Variants in DNAH5 observed in about 807,000 individuals in gnomAD.
The protein encoded by DNAH5 is axonemal beta dynein heavy chain 5.
DNAH5 carries 372 observed loss-of-function variants against 518.2 expected under a neutral mutation model. The observed-to-expected ratio is 0.72, with a 90% CI of 0.66 to 0.78. DNAH5 has a LOEUF of 0.78. Among genes scored for constraint, DNAH5 ranks in the 30% least tolerant of loss-of-function variants. DNAH5 has a pLI of 0.00. For missense variants in DNAH5, 5,523 were observed against 5,687.0 expected (o/e 0.97, Z 0.93); for synonymous variants, 2,039 against 2,025.9 (o/e 1.01, Z -0.17).
intron 65 of DNAH5, among the ~76,000 whole-genome samples, chr5:13,741,192 C>G (rs372853284): frequency 7.2e-5 from 11 of 152,142 alleles, no homozygotes; most frequent in African/African-American, 2.7e-4. Context: ...TGAAGGCAAA[C>G]AGCAAAGACC....
intron 21 of DNAH5, among the ~76,000 whole-genome samples, chr5:13,881,443 T>C (rs1381991576): frequency 2.6e-5 from 4 of 151,960 alleles, no homozygotes; most frequent in Non-Finnish European, 5.9e-5. Flanking sequence ...ACAAATTTGA[T>C]CTTATAACAA....
rs183888451 is a variant in DNAH5, at chr5:13,898,503, T to A, written c.2259+1703A>T. On this transcript the variant is annotated intron_variant, in intron 15 of 78. Transcript: ENST00000265104. ...ATGTCTGTCCATTGCCAATACAACT[T>A]TTTAATATGACATGAAGTGGTGGGA... 1,897 of 398,538 alleles carry A rather than the reference T, an allele frequency of 4.8e-3. 99 individuals carry two copies. The Admixed American group carries it at 0.07, about 15-fold the overall frequency. 24.7% of individuals were successfully genotyped at this position (398,538 alleles called of 1,614,324 possible).
intron 1 of DNAH5, among the ~76,000 whole-genome samples, chr5:13,952,536 C>T (rs1238030407): frequency 6.6e-6 from 1 of 152,146 alleles, no homozygotes. Context: ...CAACCTCCAC[C>T]AATATCACCG....
At chr5:13,768,778 G>T (rs1479515117) in intron 58 of DNAH5, among the ~76,000 whole-genome samples, 182 bp downstream of exon 58, 2 of 152,170 alleles carry the variant, frequency 1.3e-5, no homozygotes, top group African/African-American at 4.8e-5. Context: ...ATGTTAAGCA[G>T]AACAGGCAAA....
At chr5:13,838,056 T>C (rs1021429088) in intron 35 of DNAH5, among the ~76,000 whole-genome samples, 7 of 152,152 alleles carry the variant, frequency 4.6e-5, no homozygotes, top group African/African-American at 1.4e-4. Flanking sequence ...TGTATATTAT[T>C]GTGGGGCACA....
intron 11 of DNAH5, among the ~76,000 whole-genome samples, 194 bp downstream of exon 11, chr5:13,913,549 C>T (rs1378074671): frequency 6.6e-6 from 1 of 151,926 alleles, no homozygotes; most frequent in Non-Finnish European, 1.5e-5. Flanking sequence ...AACCACACAC[C>T]TGAAAAGAAC....
intron 40 of DNAH5, among the ~76,000 whole-genome samples, chr5:13,821,009 G>C (rs972681100): frequency 1.3e-5 from 2 of 152,002 alleles, no homozygotes; most frequent in Non-Finnish European, 2.9e-5. Context: ...AACAATGTAA[G>C]TGTGCTTAAT....
chr5:13,766,225 C>G, intron 58 of DNAH5, 46 bp from the exon 59 acceptor site: 1 of 1,604,856 alleles, frequency 6.2e-7, no homozygotes, highest in Non-Finnish European at 8.5e-7. Flanking sequence ...TAGGAAAGCA[C>G]AGACAAGCAA....
intron 35 of DNAH5, among the ~76,000 whole-genome samples, chr5:13,832,058 G>C (rs928415738): frequency 5.9e-5 from 9 of 151,856 alleles, no homozygotes; most frequent in Non-Finnish European, 1.0e-4. Flanking sequence ...TTGATACCTG[G>C]GCAATGAAAT....
intron 1 of DNAH5, among the ~76,000 whole-genome samples, chr5:13,999,257 T>C (rs899749971): frequency 2.0e-5 from 3 of 152,254 alleles, no homozygotes; most frequent in African/African-American, 7.2e-5. Context: ...TTTTCAAGTA[T>C]ACATTATTGC....
chr5:13,802,513 C>T (rs758390763), intron 47 of DNAH5, among the ~76,000 whole-genome samples: 4 of 152,166 alleles, frequency 2.6e-5, no homozygotes, highest in Non-Finnish European at 2.9e-5. Context: ...GGAAACTAAT[C>T]GGCTCCTCCT....
chr5:13,866,261 A>G lies in DNAH5; in HGVS notation c.4075T>C (p.Leu1359=). The G allele has an allele frequency of 1.2e-6, 2 of 1,613,310 alleles. No individual in the cohort carries two copies. Among genetic ancestry groups the G allele is most frequent in the Non-Finnish European group, 1.7e-6 (2 of 1,179,786 alleles). ...CTGTCACTGGCTTCCTGGGGCTTCA[A>G]GCCGCTAGCCATTGGACCATTCTGA... is the stretch of plus-strand genomic sequence containing the variant. ...YDLNGPMASG[L]KPQEASDRLI... Residue 1359 remains leucine (L), a synonymous_variant, in exon 26 of 79, where the codon TTG becomes CTG. Coordinates refer to ENST00000265104, the MANE Select transcript of DNAH5 (RefSeq NM_001369.3).
intron 16 of DNAH5, among the ~76,000 whole-genome samples, chr5:13,894,160 C>T (rs1356212381): frequency 6.6e-6 from 1 of 152,208 alleles, no homozygotes; most frequent in East Asian, 1.9e-4. Context: ...TTGAGCCCTT[C>T]TTTGCAACAT....
rs1354624226 is a variant in DNAH5, at chr5:13,754,079, C to T, written c.10555+124G>A. 13 of 1,123,208 alleles carry T rather than the reference C, an allele frequency of 1.2e-5. No individual in the cohort carries two copies. The East Asian group carries it at 1.9e-4, about 16-fold the overall frequency. 69.6% of individuals were successfully genotyped at this position (1,123,208 alleles called of 1,614,324 possible). A position where few individuals can be genotyped will look rare whatever the true frequency, so the allele number is the denominator to read the frequency against. On this transcript the variant is annotated intron_variant, in intron 62 of 78. Coordinates refer to ENST00000265104, the MANE Select transcript of DNAH5 (RefSeq NM_001369.3). ...TTTTAGGGTACATGCGCACAATGTG[C>T]GGGTTTGTTACATATGTATACATGC...
chr5:13,810,977 C>T (rs945394497), intron 44 of DNAH5, among the ~76,000 whole-genome samples: 2 of 152,090 alleles, frequency 1.3e-5, no homozygotes, highest in East Asian at 1.9e-4. Flanking sequence ...ATAAGCCAGA[C>T]GCAGAAAGAC....
intron 1 of DNAH5, among the ~76,000 whole-genome samples, chr5:13,949,936 C>T (rs1305314085): frequency 6.6e-6 from 1 of 152,154 alleles, no homozygotes; most frequent in Non-Finnish European, 1.5e-5. Flanking sequence ...GCTACACTGG[C>T]CCCATTTTCC....
chr5:13,989,170 T>C (rs1001324585), intron 1 of DNAH5, among the ~76,000 whole-genome samples: 9 of 152,020 alleles, frequency 5.9e-5, no homozygotes, highest in Non-Finnish European at 1.3e-4. Flanking sequence ...GGAAGTGAAG[T>C]GTAGGGATAT....
chr5:13,907,439 C>T (rs1191068663), intron 12 of DNAH5, among the ~76,000 whole-genome samples: 2 of 151,858 alleles, frequency 1.3e-5, no homozygotes, highest in Non-Finnish European at 2.9e-5. Context: ...CCCGCCACCC[C>T]CCAAAAAAAG....
intron 3 of DNAH5, among the ~76,000 whole-genome samples, chr5:13,925,883 G>T (rs1473463391): frequency 6.6e-6 from 1 of 152,166 alleles, no homozygotes; most frequent in Non-Finnish European, 1.5e-5. Context: ...CAGGACAGGG[G>T]GGTTTGCTGG....
Sources: allele counts gnomAD v4.1 joint callset (sites outside exome capture counted in the v4.1 genomes callset), GRCh38; gene constraint gnomAD v4.1.1; transcripts MANE v1.5; gene names NCBI Gene and HGNC (gene_info 2026-07-23, HGNC 2026-07-21).